Variants in RAB43 observed in about 807,000 individuals in gnomAD.
The protein encoded by RAB43 is ras-related protein Rab-43.
RAB43 carries 6 observed loss-of-function variants against 18.8 expected under a neutral mutation model. The ratio of observed to expected loss-of-function variants is 0.32; its 90% CI spans 0.17 to 0.63. The LOEUF (loss-of-function observed/expected upper bound fraction) is 0.63. Ranked by LOEUF, RAB43 falls within the 30% of genes least tolerant of loss-of-function variation. RAB43 has a pLI of 0.79. For synonymous variants in RAB43, 103 were observed against 124.1 expected, an observed-to-expected ratio of 0.83 and a Z score of 1.13; for missense variants, 195 against 289.1, an observed-to-expected ratio of 0.67 and a Z score of 2.36.
chr3:129,105,831 G>A (rs1304160505), intron 1 of RAB43, among the ~76,000 whole-genome samples: 2 of 151,856 alleles, frequency 1.3e-5, no homozygotes, highest in African/African-American at 4.8e-5. Flanking sequence ...AGCGGGCTTT[G>A]TAGTGGAAAT....
chr3:129,115,877 T>G (rs971161638), intron 1 of RAB43, among the ~76,000 whole-genome samples: 11 of 152,198 alleles, frequency 7.2e-5, no homozygotes, highest in Admixed American at 7.2e-4. Flanking sequence ...ATAAGTCGAT[T>G]GCACATCATT....
At chr3:129,104,766 C>T (rs947418868) in intron 1 of RAB43, among the ~76,000 whole-genome samples, 3 of 152,222 alleles carry the variant, frequency 2.0e-5, no homozygotes, top group East Asian at 1.9e-4. Context: ...GCTTATACTA[C>T]GCTCTGAGTC....
At chr3:129,117,615 T>A (rs1382598776) in intron 1 of RAB43, among the ~76,000 whole-genome samples, 1 of 152,238 alleles carries the variant, frequency 6.6e-6, no homozygotes, top group Non-Finnish European at 1.5e-5. Context: ...CCTAAAACTC[T>A]TTAACTGTCA....
chr3:129,111,437 C>A (rs1322344832), intron 1 of RAB43, among the ~76,000 whole-genome samples: 1 of 149,894 alleles, frequency 6.7e-6, no homozygotes, highest in Non-Finnish European at 1.5e-5. Flanking sequence ...ATCACTTGAA[C>A]CTGGGAGGCC....
intron 2 of RAB43, among the ~76,000 whole-genome samples, chr3:129,092,174 T>G (rs761829216): frequency 2.0e-5 from 3 of 152,008 alleles, no homozygotes; most frequent in Non-Finnish European, 4.4e-5. Context: ...CTCAACAAAC[T>G]GGAAAAAATA....
chr3:129,110,245 A>G (rs1173141274), intron 1 of RAB43, among the ~76,000 whole-genome samples: 1 of 152,220 alleles, frequency 6.6e-6, no homozygotes, highest in Non-Finnish European at 1.5e-5. Flanking sequence ...TATATTTCCA[A>G]CTTACTAGAA....
intron 1 of RAB43, among the ~76,000 whole-genome samples, chr3:129,119,084 ATAGACCTGTAACACCT>A (rs1277786793): frequency 6.6e-6 from 1 of 152,242 alleles, no homozygotes. Flanking sequence ...TGAGAAGTTC[ATAGACCTGTAACACCT>A]CAAGTGGTGA....
At position 129,110,111 on chromosome 3, in the gene RAB43, C is replaced by T. The variant is rs77928474; in HGVS notation, c.204+11175G>A. On this transcript the variant is annotated intron_variant, in intron 1 of 2. Coordinates refer to ENST00000315150, the MANE Select transcript of RAB43 (RefSeq NM_198490.3). The stretch of plus-strand genomic sequence containing the variant: ...AATTCCTGGGCTGTAGCAATCCGCC[C>T]GCTTCTGCCTCCCAAAGTGTTGGGA... Among the ~76,000 whole-genome samples the T allele has an allele frequency of 5.6e-3, 849 of 152,200 alleles. 7 individuals carry two copies. The highest frequency in any genetic ancestry group is 0.017 in the African/African-American group (694 of 41,522).
intron 1 of RAB43, among the ~76,000 whole-genome samples, chr3:129,104,818 T>C (rs765542777): frequency 1.3e-5 from 2 of 152,232 alleles, no homozygotes; most frequent in East Asian, 3.8e-4. Context: ...GCCGTTATCT[T>C]TTCTGGGATA....
chr3:129,121,214 G>C, intron 1 of RAB43, 72 bp downstream of exon 1: 1 of 1,354,184 alleles, frequency 7.4e-7, no homozygotes, highest in Non-Finnish European at 1.0e-6. Flanking sequence ...CGCTCGCCGC[G>C]GCCAGGGGCT....
chr3:129,108,987 G>A (rs1434857536), intron 1 of RAB43, among the ~76,000 whole-genome samples: 1 of 151,024 alleles, frequency 6.6e-6, no homozygotes, highest in African/African-American at 2.4e-5. Flanking sequence ...CTAGCTTACA[G>A]GAAATACAAG....
At chr3:129,092,828 C>A (rs959028278) in intron 2 of RAB43, among the ~76,000 whole-genome samples, 1 of 151,184 alleles carries the variant, frequency 6.6e-6, no homozygotes. Flanking sequence ...TGGTGGCGGG[C>A]GCCTGTGGTC....
At chr3:129,102,725 C>T (rs1321845872) in intron 1 of RAB43, among the ~76,000 whole-genome samples, 1 of 151,798 alleles carries the variant, frequency 6.6e-6, no homozygotes, top group Non-Finnish European at 1.5e-5. Context: ...ATCACTTCAC[C>T]CATGCCTACT....
chr3:129,102,714 G>C (rs1024462001), intron 1 of RAB43, among the ~76,000 whole-genome samples: 17 of 151,318 alleles, frequency 1.1e-4, no homozygotes. Flanking sequence ...CAGGCAGCTT[G>C]ATCACTTCAC....
In RAB43 at chr3:129,094,891, C is replaced by T. The variant is rs954856795; in HGVS notation, c.388+95G>A. 1.5e-5 allele frequency: 22 copies of T among 1,487,718 alleles called. No individual in the cohort carries two copies. The Admixed American group carries it at 4.7e-4, about 32-fold the overall frequency. The allele number at this position is 1,487,718 out of a possible 1,614,324, so 92.2% of individuals were successfully genotyped here. ...TGGCTCAAACTCTGGCTGGGACTCCCTCTGAACTCAGGGTTACACTGTGTT... is the reference window on the plus strand; with the variant it reads ...TGGCTCAAACTCTGGCTGGGACTCCTTCTGAACTCAGGGTTACACTGTGTT... On this transcript the variant is annotated intron_variant, in intron 2 of 2. Coordinates refer to ENST00000315150, the MANE Select transcript of RAB43 (RefSeq NM_198490.3).
rs1335190169 is a variant in RAB43 at position 129,121,607 on chromosome 3, G to C, written c.-118C>G. 1.0e-5 allele frequency: 8 copies of C among 799,052 alleles called. No homozygotes were observed. The highest frequency in any genetic ancestry group is 5.6e-6 in the Non-Finnish European group (3 of 532,296). The allele number at this position is 799,052 out of a possible 1,614,324, so 49.5% of individuals were successfully genotyped here. On this transcript the variant is annotated 5_prime_UTR_variant, in exon 1 of 3. Transcript: ENST00000315150. ...ACGGGCCGCCTGGCTACGTGGAGCC[G>C]CCGCAACACCTGAACCCCCAGCACT...
At position 129,091,238 on chromosome 3, in the gene RAB43, G is replaced by A. The variant is rs758288950; in HGVS notation, c.497C>T (p.Ser166Leu). ...CAGGAAGGCCTCCTCCACGTTGCTCGAGTCCTTGGCAGACGTCTCAATGGC... is the reference window on the plus strand; with the variant it reads ...CAGGAAGGCCTCCTCCACGTTGCTCAAGTCCTTGGCAGACGTCTCAATGGC... Reference protein sequence around the residue: ...LCAIETSAKDSSNVEEAFLRV... With the variant: ...LCAIETSAKDLSNVEEAFLRV... Residue 166 changes from serine (S) to leucine (L), a missense_variant, in exon 3 of 3, where the codon TCG becomes TTG. By Grantham distance (145) the Ser-to-Leu change is moderately radical. Coordinates refer to ENST00000315150, the MANE Select transcript of RAB43 (RefSeq NM_198490.3). 26 of 1,594,242 alleles carry A rather than the reference G, an allele frequency of 1.6e-5. No individual in the cohort carries two copies. The highest frequency in any genetic ancestry group is 1.7e-4 in the Middle Eastern group (1 of 6,028).
chr3:129,118,671 G>C (rs1210033415), intron 1 of RAB43, among the ~76,000 whole-genome samples: 3 of 152,190 alleles, frequency 2.0e-5, no homozygotes, highest in Admixed American at 1.3e-4. Context: ...GGCTTCCCAA[G>C]ACAGGCCCTG....
intron 1 of RAB43, among the ~76,000 whole-genome samples, chr3:129,110,124 CAA>C (rs1455744899): frequency 6.6e-6 from 1 of 152,054 alleles, no homozygotes; most frequent in African/African-American, 2.4e-5. Flanking sequence ...TTCTGCCTCC[CAA>C]AGTGTTGGGA....
Sources: gnomAD v4.1 joint callset for allele counts (sites outside exome capture counted in the v4.1 genomes callset) on GRCh38, gnomAD v4.1.1 for gene constraint, MANE v1.5 for transcripts, NCBI Gene and HGNC (gene_info 2026-07-23, HGNC 2026-07-21) for gene names.